MYZAP: variants seen among roughly 807,000 people sequenced by gnomAD.
The protein encoded by MYZAP is myocardial zonula adherens protein.
Under a neutral mutation model 69.4 loss-of-function variants are expected in MYZAP, and 66 were observed. That is an observed-to-expected ratio of 0.95 (90% CI 0.78 to 1.17). MYZAP has a LOEUF of 1.17. MYZAP is among the 50% of genes most tolerant of loss of function. The pLI, the probability that MYZAP is intolerant of heterozygous loss-of-function variation, is 0.00. For missense variants in MYZAP, 611 were observed against 556.2 expected (o/e 1.10, Z -0.99); for synonymous variants, 256 against 205.9 (o/e 1.24, Z -2.09).
intron 2 of MYZAP, among the ~76,000 whole-genome samples, chr15:57,610,414 T>G (rs2035029951): frequency 6.6e-6 from 1 of 152,062 alleles, no homozygotes; most frequent in Non-Finnish European, 1.5e-5. Context: ...AGTGAGCGAG[T>G]GTGCTGCCAT....
chr15:57,663,437 G>A (rs745365489), intron 11 of MYZAP, among the ~76,000 whole-genome samples: 1 of 152,154 alleles, frequency 6.6e-6, no homozygotes, highest in Non-Finnish European at 1.5e-5. Context: ...CTAGGGGAAT[G>A]GGGAAAATGA....
At position 57,618,140 on chromosome 15, in the gene MYZAP, TGGGTGGTCCACCAGTC is replaced by T. The variant is rs2035593022; in HGVS notation, c.271_286del (p.Gly91SerfsTer2). ...ATCAGCAGAAAGAAATGGTGGTGTA[TGGGTGGTCCACCAGTC>T]AGCTGAAAGAAGAGATGAACTACAT... On this transcript the variant is annotated frameshift_variant, in exon 3 of 13. Transcript: ENST00000267853. LOFTEE classifies it high-confidence loss of function. The T allele has an allele frequency of 1.9e-6, 3 of 1,614,192 alleles. No individual in the cohort carries two copies. Among genetic ancestry groups the T allele is most frequent in the Non-Finnish European group, 1.7e-6 (2 of 1,180,030 alleles).
intron 8 of MYZAP, 83 bp downstream of exon 8, chr15:57,633,824 TG>T (rs1326102373): frequency 7.5e-7 from 1 of 1,338,312 alleles, no homozygotes; most frequent in Non-Finnish European, 9.7e-7. Flanking sequence ...GCCCTGGATA[TG>T]GATTCCTCTC....
chr15:57,683,360 A>C (rs2039533339), intron 12 of MYZAP, among the ~76,000 whole-genome samples: 1 of 152,160 alleles, frequency 6.6e-6, no homozygotes, highest in African/African-American at 2.4e-5. Flanking sequence ...AGTAGGGTGG[A>C]GAAGGGGCAG....
chr15:57,618,654 C>A (rs1013060193), intron 3 of MYZAP, among the ~76,000 whole-genome samples: 1 of 152,148 alleles, frequency 6.6e-6, no homozygotes, highest in East Asian at 1.9e-4. Context: ...AGTTTATTTC[C>A]TATCTTTTAA....
chr15:57,634,179 G>A (rs2140446479), intron 8 of MYZAP, among the ~76,000 whole-genome samples: 1 of 152,240 alleles, frequency 6.6e-6, no homozygotes, highest in South Asian at 2.1e-4. Flanking sequence ...TTGTAAGCAG[G>A]CTGGTGAGTG....
At chr15:57,637,922 A>G (rs1022226013) in intron 9 of MYZAP, 148 bp downstream of exon 9, 2 of 833,022 alleles carry the variant, frequency 2.4e-6, no homozygotes, top group South Asian at 1.9e-5. Context: ...GAGAGTTTCC[A>G]ATATGGAACA....
rs1298157664 is a variant in MYZAP at position 57,592,100 on chromosome 15, C to T, written c.66C>T (p.Pro22=). Residue 22 remains proline, a synonymous_variant, in exon 1 of 13, where the codon CCC becomes CCT. Coordinates refer to ENST00000267853, the MANE Select transcript of MYZAP (RefSeq NM_001018100.5). ...GCGCCGCCAGGACGCCCGGGGCGCC[C>T]AGCAGGAGGGTGAGTAGCGGGGGCG... ...SGGAARTPGA[P]SRRANVCRLR... 1 of 1,367,056 alleles carries T rather than the reference C, an allele frequency of 7.3e-7. No homozygotes were observed. The highest frequency in any genetic ancestry group is 1.5e-5 in the African/African-American group (1 of 65,722). 84.7% of individuals were successfully genotyped at this position (1,367,056 alleles called of 1,614,324 possible).
chr15:57,657,907 G>T (rs116797672), intron 10 of MYZAP, among the ~76,000 whole-genome samples: 2 of 152,048 alleles, frequency 1.3e-5, no homozygotes, highest in Admixed American at 6.6e-5. Flanking sequence ...TCCTGCCAAC[G>T]CTCATTTCTT....
At chr15:57,682,646 G>T (rs2039501791) in intron 12 of MYZAP, among the ~76,000 whole-genome samples, 1 of 152,102 alleles carries the variant, frequency 6.6e-6, no homozygotes, top group Non-Finnish European at 1.5e-5. Context: ...ACCTGCTGTA[G>T]TTCCCTGTCC....
chr15:57,633,705 CG>C lies in MYZAP; in HGVS notation c.901del (p.Glu301SerfsTer5), dbSNP rs1567219054. On this transcript the variant is annotated frameshift_variant, in exon 8 of 13. Transcript: ENST00000267853. LOFTEE classifies it high-confidence loss of function. The part of the protein sequence containing the change: ...ISLEEKDQRI[G>X]ELDRLIERME... The stretch of plus-strand genomic sequence containing the variant: ...GCCTAGAGGAGAAAGACCAGAGGAT[CG>C]GGGAGCTGGACAGGCTGATTGAGCG... The C allele has an allele frequency of 1.2e-6, 2 of 1,612,308 alleles. No homozygotes were observed. The highest frequency in any genetic ancestry group is 1.7e-6 in the Non-Finnish European group (2 of 1,179,174).
At chr15:57,654,034 T>TAAAAAAAA (rs1595914427) in intron 10 of MYZAP, among the ~76,000 whole-genome samples, 1 of 7,258 alleles carries the variant, frequency 1.4e-4, no homozygotes, top group Non-Finnish European at 8.8e-4. Flanking sequence ...AAAAAAAAAG[T>TAAAAAAAA]CCCTATTTAG....
chr15:57,639,502 TG>T lies in MYZAP; in HGVS notation c.1078del (p.Val360CysfsTer18), dbSNP rs1365885053. The T allele has an allele frequency of 6.2e-7, 1 of 1,613,866 alleles. No homozygotes were observed. The highest frequency in any genetic ancestry group is 1.7e-5 in the Admixed American group (1 of 59,992). On this transcript the variant is annotated frameshift_variant, in exon 10 of 13. Coordinates refer to ENST00000267853, the MANE Select transcript of MYZAP (RefSeq NM_001018100.5). LOFTEE classifies it high-confidence loss of function. ...LRERIRHLDDMVHCQQKKVKQ... is the reference protein window; with the variant it reads ...LRERIRHLDDXVHCQQKKVKQ... Reference sequence around the variant, plus strand: ...GAGCGGATCAGACACCTAGATGACATGGTGCATTGCCAGCAGAAGAAAGTCA... The same window carrying T: ...GAGCGGATCAGACACCTAGATGACATGTGCATTGCCAGCAGAAGAAAGTCA...
chr15:57,676,303 A>C lies in MYZAP; in HGVS notation c.1304+1235A>C, dbSNP rs566302243. 1.4e-4 allele frequency among the ~76,000 whole-genome samples: 21 copies of C among 151,726 alleles called. No individual in the cohort carries two copies. In the South Asian group the frequency reaches 4.2e-3, roughly 30 times the overall value. On this transcript the variant is annotated intron_variant, in intron 12 of 12. Transcript: ENST00000267853. ...CAAAGAATTTACCAAAAGCGGCATTAGGTTCTTTCTTTGACAGTGTCCTCA... is the reference window on the plus strand; with the variant it reads ...CAAAGAATTTACCAAAAGCGGCATTCGGTTCTTTCTTTGACAGTGTCCTCA...
intron 11 of MYZAP, among the ~76,000 whole-genome samples, chr15:57,667,044 A>G (rs1442270600): frequency 6.6e-6 from 1 of 152,198 alleles, no homozygotes; most frequent in African/African-American, 2.4e-5. Context: ...TGTCGGATAT[A>G]CTACACTTAC....
intron 10 of MYZAP, chr15:57,646,282 A>G (rs1879719540): frequency 2.4e-6 from 3 of 1,274,212 alleles, no homozygotes; most frequent in South Asian, 1.3e-5. Context: ...AAGAGGTGGT[A>G]TTTATCTATG....
intron 2 of MYZAP, among the ~76,000 whole-genome samples, chr15:57,614,713 G>T (rs147848934): frequency 2.6e-5 from 4 of 152,246 alleles, no homozygotes; most frequent in African/African-American, 9.6e-5. Flanking sequence ...CCTACGGCTG[G>T]AGACCCTGGG....
chr15:57,658,482 A>C (rs2140532559), intron 10 of MYZAP, among the ~76,000 whole-genome samples: 1 of 152,288 alleles, frequency 6.6e-6, no homozygotes, highest in East Asian at 1.9e-4. Flanking sequence ...TTATGTTTCT[A>C]AAGTCTCCTA....
At chr15:57,668,237 G>A (rs191350902) in intron 11 of MYZAP, among the ~76,000 whole-genome samples, 4 of 152,194 alleles carry the variant, frequency 2.6e-5, no homozygotes. Flanking sequence ...GAATAAAGCT[G>A]CAGTGAGCAT....
Sources: allele counts gnomAD v4.1 joint callset (sites outside exome capture counted in the v4.1 genomes callset), GRCh38; gene constraint gnomAD v4.1.1; transcripts MANE v1.5; gene names NCBI Gene and HGNC (gene_info 2026-07-23, HGNC 2026-07-21).